The following FAM120C variants were observed in gnomAD, a reference collection of about 807,000 sequenced individuals.
FAM120C encodes family with sequence similarity 120 member C, also known as constitutive coactivator of PPAR-gamma-like protein 2.
In FAM120C, 14 loss-of-function variants were observed where a neutral mutation model predicts 71.2. That is an observed-to-expected ratio of 0.20 (90% CI 0.13 to 0.31). The LOEUF is 0.31. Ranked by LOEUF, FAM120C falls within the 10% of genes least tolerant of loss-of-function variation. FAM120C has a pLI of 1.00. For synonymous variants in FAM120C, 354 were observed against 353.2 expected, an observed-to-expected ratio of 1.00 and a Z score of -0.03; for missense variants, 500 against 879.0, an observed-to-expected ratio of 0.57 and a Z score of 5.45.
intron 1 of FAM120C, among the ~76,000 whole-genome samples, chrX:54,176,303 C>T (rs1379594842): frequency 1.4e-4 from 15 of 109,454 alleles, no homozygotes; most frequent in African/African-American, 2.7e-4. Flanking sequence ...TGTAGTGGCA[C>T]GCACCTGCAG....
At chrX:54,163,829 T>C (rs941670053) in intron 1 of FAM120C, among the ~76,000 whole-genome samples, 8 of 110,142 alleles carry the variant, frequency 7.3e-5, no homozygotes, top group African/African-American at 2.6e-4. Flanking sequence ...CCACTTTCAA[T>C]TGTTATCAAT....
At chrX:54,137,344 C>CA (rs1163676099) in intron 4 of FAM120C, among the ~76,000 whole-genome samples, 1 of 112,171 alleles carries the variant, frequency 8.9e-6, no homozygotes, top group Non-Finnish European at 1.9e-5. Context: ...GGATAATAGG[C>CA]ATGAACCACT....
chrX:54,094,904 CAA>C (rs11332265), intron 10 of FAM120C, among the ~76,000 whole-genome samples: 2,718 of 85,510 alleles, frequency 0.032, 90 homozygotes, highest in African/African-American at 0.1. Context: ...GACTCCATCT[CAA>C]AAAAAAAAAA....
intron 4 of FAM120C, among the ~76,000 whole-genome samples, chrX:54,144,015 A>C (rs1377076011): frequency 8.9e-6 from 1 of 112,108 alleles, no homozygotes; most frequent in Non-Finnish European, 1.9e-5. Context: ...CAACATAGGC[A>C]AATCAATAAA....
In FAM120C at chrX:54,068,766, AAACAGAATAG is replaced by A. The variant is rs1362634674; in HGVS notation, c.*4257_*4266del. 23 of 100,742 alleles carry A rather than the reference AAACAGAATAG, an allele frequency of 2.3e-4. No homozygotes were observed. Among genetic ancestry groups the A allele is most frequent in the African/African-American group, 8.0e-4 (20 of 24,991 alleles). 8.3% of individuals were successfully genotyped at this position (100,742 alleles called of 1,213,427 possible). ...TTCTTTACCTAGTGTGTTATTCTAA[AAACAGAATAG>A]AACAGAATAGAACAGAATAGAATAG... On this transcript the variant is annotated 3_prime_UTR_variant, in exon 16 of 16. Coordinates refer to ENST00000375180, the MANE Select transcript of FAM120C (RefSeq NM_017848.6).
At position 54,073,191 on chromosome X, in the gene FAM120C, TCTC is replaced by T. The variant is rs782706999; in HGVS notation, c.3130_3132del (p.Glu1044del). 2 of 1,211,139 alleles carry T rather than the reference TCTC, an allele frequency of 1.7e-6. No homozygotes were observed. The highest frequency in any genetic ancestry group is 5.9e-5 in the East Asian group (2 of 33,807). On this transcript the variant is annotated inframe_deletion, in exon 16 of 16. Transcript: ENST00000375180. ...GGAGCTGGAAGACGATGATCACTCTTCTCTTCCTTGATCAATGCGCCACTGTTT... is the reference window on the plus strand; with the variant it reads ...GGAGCTGGAAGACGATGATCACTCTTTTCCTTGATCAATGCGCCACTGTTT...
At chrX:54,077,939 CTTTTTTTTTT>C (rs1194855968) in intron 15 of FAM120C, among the ~76,000 whole-genome samples, 1 of 55,296 alleles carries the variant, frequency 1.8e-5, no homozygotes, top group Non-Finnish European at 3.2e-5. Flanking sequence ...AAGATCTACT[CTTTTTTTTTT>C]TTTTTTTTTT....
chrX:54,112,828 G>C (rs1315316452), intron 10 of FAM120C, among the ~76,000 whole-genome samples: 3 of 65,782 alleles, frequency 4.6e-5, no homozygotes, highest in Non-Finnish European at 8.9e-5. Context: ...GTGACAGAGT[G>C]AGACTCTGTC....
intron 9 of FAM120C, among the ~76,000 whole-genome samples, chrX:54,118,793 C>A (rs2066989980): frequency 1.8e-5 from 1 of 54,819 alleles, no homozygotes; most frequent in Admixed American, 2.5e-4. Flanking sequence ...ATACATGTGC[C>A]ATGCTGGTGC....
At chrX:54,094,083 CTTTTTTTTTTTT>C (rs35721972) in intron 10 of FAM120C, among the ~76,000 whole-genome samples, 1 of 61,443 alleles carries the variant, frequency 1.6e-5, no homozygotes, top group Admixed American at 2.6e-4. Flanking sequence ...TCCACGACTC[CTTTTTTTTTTTT>C]TTTTTTTTTT....
At chrX:54,158,723 C>T (rs1409615411) in intron 2 of FAM120C, among the ~76,000 whole-genome samples, 2 of 111,058 alleles carry the variant, frequency 1.8e-5, no homozygotes, top group East Asian at 2.8e-4. Context: ...GAGTCGAGAT[C>T]GTGCCACTAC....
intron 4 of FAM120C, among the ~76,000 whole-genome samples, chrX:54,144,808 A>T (rs1295804235): frequency 8.9e-6 from 1 of 111,939 alleles, no homozygotes; most frequent in African/African-American, 3.2e-5. Flanking sequence ...AGAATTGGAA[A>T]AAACTACCTT....
intron 10 of FAM120C, among the ~76,000 whole-genome samples, chrX:54,099,070 A>C (rs1375244893): frequency 2.1e-5 from 2 of 94,370 alleles, no homozygotes; most frequent in Non-Finnish European, 4.0e-5. Flanking sequence ...GCTGGAGTGC[A>C]GTGGCATGAT....
At chrX:54,075,216 TAAC>T in intron 15 of FAM120C, among the ~76,000 whole-genome samples, 2 of 111,859 alleles carry the variant, frequency 1.8e-5, no homozygotes, top group Middle Eastern at 9.2e-3. Flanking sequence ...AGTCCTCATG[TAAC>T]AACTCTACAA....
Position 54,132,890 on chromosome X carries a change from G to A in FAM120C, c.1891-27C>T, listed in dbSNP as rs1557129658. On this transcript the variant is annotated intron_variant, in intron 8 of 15. Transcript: ENST00000375180. ...TAACAAGAGAACATTCCAGGGAAAA[G>A]GAAAAAATGAGTTACCTCAAGGTTT... is the stretch of plus-strand genomic sequence containing the variant. 9 of 1,147,107 alleles carry A rather than the reference G, an allele frequency of 7.8e-6. No individual in the cohort carries two copies. The Admixed American group carries it at 1.1e-4, about 14-fold the overall frequency. 94.5% of individuals were successfully genotyped at this position (1,147,107 alleles called of 1,213,427 possible).
intron 13 of FAM120C, among the ~76,000 whole-genome samples, chrX:54,082,395 C>T (rs1432252911): frequency 2.7e-5 from 3 of 110,110 alleles, no homozygotes; most frequent in Non-Finnish European, 5.7e-5. Flanking sequence ...TGGAAAATTA[C>T]AAGCCTAAAC....
chrX:54,172,989 A>G (rs1377968416), intron 1 of FAM120C, among the ~76,000 whole-genome samples: 1 of 112,549 alleles, frequency 8.9e-6, no homozygotes, highest in Admixed American at 9.4e-5. Flanking sequence ...ATGTTTAGCC[A>G]TCGATGTTTG....
intron 11 of FAM120C, 123 bp from the exon 12 acceptor site, chrX:54,088,087 A>G: frequency 1.8e-6 from 1 of 546,867 alleles, no homozygotes; most frequent in East Asian, 3.6e-5. Context: ...CAATGTAGAC[A>G]TCTCAGTGCA....
At chrX:54,160,291 T>C (rs782201637) in intron 1 of FAM120C, among the ~76,000 whole-genome samples, 1 of 111,574 alleles carries the variant, frequency 9.0e-6, no homozygotes, top group Non-Finnish European at 1.9e-5. Context: ...CTTTTTTTCT[T>C]AGTAGCACTG....
Sources: allele counts gnomAD v4.1 joint callset (sites outside exome capture counted in the v4.1 genomes callset), GRCh38; gene constraint gnomAD v4.1.1; transcripts MANE v1.5; gene names NCBI Gene and HGNC (gene_info 2026-07-23, HGNC 2026-07-21).